The following DOCK2 variants were observed in gnomAD, a reference collection of about 807,000 sequenced individuals.
The protein encoded by DOCK2 is dedicator of cytokinesis 2.
DOCK2 carries 87 observed loss-of-function variants against 248.9 expected under a neutral mutation model. That is an observed-to-expected ratio of 0.35 (90% CI 0.29 to 0.42). The LOEUF is 0.42. Ranked by LOEUF, DOCK2 falls within the 10% of genes least tolerant of loss-of-function variation. The pLI is 1.00. For synonymous variants in DOCK2, 805 were observed against 821.6 expected (o/e 0.98, Z 0.35); for missense variants, 1,747 against 2,300.2 (o/e 0.76, Z 4.92).
intron 27 of DOCK2, among the ~76,000 whole-genome samples, chr5:169,878,347 C>T (rs1723130820): frequency 6.6e-6 from 1 of 152,188 alleles, no homozygotes; most frequent in South Asian, 2.1e-4. Context: ...AATCCATTCG[C>T]TTTTTAAATT....
intron 27 of DOCK2, chr5:169,934,556 C>A: frequency 2.2e-6 from 1 of 445,134 alleles, no homozygotes; most frequent in South Asian, 1.6e-5. Context: ...GCTACATTCA[C>A]ACACACCTGG....
At chr5:170,036,299 T>C (rs1756321585) in intron 35 of DOCK2, among the ~76,000 whole-genome samples, 1 of 152,186 alleles carries the variant, frequency 6.6e-6, no homozygotes, top group Non-Finnish European at 1.5e-5. Context: ...TGTTCCTTTA[T>C]AGTCTAAGGG....
chr5:169,725,700 C>T (rs1329381153), intron 22 of DOCK2, among the ~76,000 whole-genome samples: 2 of 151,914 alleles, frequency 1.3e-5, no homozygotes, highest in East Asian at 3.9e-4. Context: ...TGTTCCCCAC[C>T]ATGTGTCCAT....
At chr5:169,991,111 A>G (rs1259516631) in intron 29 of DOCK2, among the ~76,000 whole-genome samples, 3 of 152,270 alleles carry the variant, frequency 2.0e-5, no homozygotes, top group Non-Finnish European at 4.4e-5. Flanking sequence ...GCAGCTCAGA[A>G]GAGTGGCTGA....
intron 27 of DOCK2, among the ~76,000 whole-genome samples, chr5:169,924,233 A>AGG (rs2113660292): frequency 6.6e-6 from 1 of 152,332 alleles, no homozygotes; most frequent in South Asian, 2.1e-4. Flanking sequence ...CACACACACT[A>AGG]GCTCTGGCCC....
chr5:169,859,489 T>C (rs1184181066), intron 27 of DOCK2, among the ~76,000 whole-genome samples: 1 of 152,280 alleles, frequency 6.6e-6, no homozygotes, highest in Non-Finnish European at 1.5e-5. Flanking sequence ...GTAGTGATCA[T>C]AAAACATCTT....
At chr5:170,074,751 T>A (rs1757785672) in intron 46 of DOCK2, among the ~76,000 whole-genome samples, 2 of 152,196 alleles carry the variant, frequency 1.3e-5, no homozygotes, top group South Asian at 4.1e-4. Flanking sequence ...TCCTCCTTCT[T>A]GGGAAAATGG....
In DOCK2 at chr5:170,072,494, A is replaced by G. The variant is rs547488321; in HGVS notation, c.4728+3274A>G. Among the ~76,000 whole-genome samples, 14 of 152,356 alleles carry G rather than the reference A, an allele frequency of 9.2e-5. No individual in the cohort carries two copies. The South Asian group carries it at 2.9e-3, about 32-fold the overall frequency. On this transcript the variant is annotated intron_variant, in intron 46 of 51. Transcript: ENST00000520908. ...TATTATGAGTAAAGTTGCTATGAAC[A>G]TTCGTGTTTGTGCCTTTTGGTGGAC...
chr5:169,918,295 T>C (rs536127940), intron 27 of DOCK2, among the ~76,000 whole-genome samples: 2 of 152,314 alleles, frequency 1.3e-5, no homozygotes, highest in East Asian at 3.9e-4. Flanking sequence ...AATGTTGTGG[T>C]TTGAGTAATA....
intron 34 of DOCK2, among the ~76,000 whole-genome samples, chr5:170,033,239 T>C (rs1451259642): frequency 1.3e-5 from 2 of 152,210 alleles, no homozygotes; most frequent in Non-Finnish European, 2.9e-5. Context: ...TGCCAGACAG[T>C]AGGTGTGGTT....
intron 27 of DOCK2, among the ~76,000 whole-genome samples, chr5:169,971,937 A>G (rs868563642): frequency 6.6e-6 from 1 of 152,120 alleles, no homozygotes; most frequent in Non-Finnish European, 1.5e-5. Flanking sequence ...TGAAGCAGCA[A>G]TTTCTCAGTA....
chr5:169,792,480 C>T (rs1044937875), intron 25 of DOCK2, among the ~76,000 whole-genome samples: 34 of 130,608 alleles, frequency 2.6e-4, no homozygotes, highest in East Asian at 4.5e-4. Flanking sequence ...TGCATATATA[C>T]GTAAATATTT....
At chr5:169,923,673 A>G (rs567827371) in intron 27 of DOCK2, among the ~76,000 whole-genome samples, 3 of 152,388 alleles carry the variant, frequency 2.0e-5, no homozygotes, top group Admixed American at 2.0e-4. Flanking sequence ...GAAGGTTAAT[A>G]GGACTAAGTA....
At chr5:169,965,996 G>C (rs950608249) in intron 27 of DOCK2, among the ~76,000 whole-genome samples, 3 of 152,150 alleles carry the variant, frequency 2.0e-5, no homozygotes, top group Non-Finnish European at 4.4e-5. Flanking sequence ...AGGAGACCTA[G>C]GTTTCCCTAG....
intron 22 of DOCK2, among the ~76,000 whole-genome samples, chr5:169,727,765 G>C (rs533499937): frequency 1.3e-5 from 2 of 152,192 alleles, no homozygotes; most frequent in African/African-American, 4.8e-5. Context: ...CATCTATTGA[G>C]TTTTGTGCTT....
chr5:170,033,898 T>C (rs2134151), intron 34 of DOCK2, among the ~76,000 whole-genome samples: 42,256 of 152,126 alleles, frequency 0.28, 6,059 homozygotes, highest in East Asian at 0.49. Context: ...GAATTCCATT[T>C]GGTGAATATA....
chr5:169,925,790 T>C (rs1177062959), intron 27 of DOCK2, among the ~76,000 whole-genome samples: 1 of 152,086 alleles, frequency 6.6e-6, no homozygotes. Flanking sequence ...AGACCAATAA[T>C]GGTGAGTCCT....
At chr5:169,902,852 C>T (rs1774007208) in intron 27 of DOCK2, among the ~76,000 whole-genome samples, 1 of 152,102 alleles carries the variant, frequency 6.6e-6, no homozygotes, top group African/African-American at 2.4e-5. Flanking sequence ...GTAATCCCAA[C>T]AGTTTGGGAG....
chr5:169,891,867 C>G (rs1773303920), intron 27 of DOCK2, among the ~76,000 whole-genome samples: 1 of 151,862 alleles, frequency 6.6e-6, no homozygotes, highest in African/African-American at 2.4e-5. Context: ...TGGTGGCAGG[C>G]ACCTGTAATC....
Sources: gnomAD v4.1 joint callset for allele counts (sites outside exome capture counted in the v4.1 genomes callset) on GRCh38, gnomAD v4.1.1 for gene constraint, MANE v1.5 for transcripts, NCBI Gene and HGNC (gene_info 2026-07-23, HGNC 2026-07-21) for gene names.